ARNT2: variants seen among roughly 807,000 people sequenced by gnomAD.
ARNT2 encodes the protein ARNT protein 2.
In ARNT2, 36 loss-of-function variants were observed where a neutral mutation model predicts 91.7. The observed-to-expected ratio is 0.39, with a 90% CI of 0.30 to 0.52. ARNT2 has a LOEUF of 0.52. Among genes scored for constraint, ARNT2 ranks in the 20% least tolerant of loss-of-function variants. The probability of loss-of-function intolerance (pLI) is 0.72; values close to 1 mark genes in which losing one functional copy is unlikely to be tolerated. For synonymous variants in ARNT2, 365 were observed against 347.1 expected, an observed-to-expected ratio of 1.05 and a Z score of -0.57; for missense variants, 775 against 939.3, an observed-to-expected ratio of 0.83 and a Z score of 2.29.
chr15:80,542,614 A>T (rs1897927067), intron 8 of ARNT2, among the ~76,000 whole-genome samples: 1 of 152,180 alleles, frequency 6.6e-6, no homozygotes, highest in African/African-American at 2.4e-5. Context: ...AGGAATATAA[A>T]GAAAATTTAT....
At chr15:80,580,176 A>G (rs1898764642) in intron 15 of ARNT2, 2 of 538,884 alleles carry the variant, frequency 3.7e-6, no homozygotes, top group Admixed American at 3.1e-5. Flanking sequence ...GAGAGGAAGT[A>G]CCAGACTACT....
intron 6 of ARNT2, among the ~76,000 whole-genome samples, chr15:80,511,073 A>T (rs1435748613): frequency 1.3e-5 from 2 of 152,188 alleles, no homozygotes; most frequent in Admixed American, 1.3e-4. Context: ...AGACATATGC[A>T]TGCATATGTT....
intron 8 of ARNT2, among the ~76,000 whole-genome samples, chr15:80,549,310 G>T (rs1596008250): frequency 1.3e-5 from 2 of 152,254 alleles, no homozygotes; most frequent in Admixed American, 1.3e-4. Flanking sequence ...CTTAAGCTTT[G>T]TGTAAGAAAT....
chr15:80,571,160 G>A (rs1244547858), intron 12 of ARNT2, among the ~76,000 whole-genome samples: 2 of 152,158 alleles, frequency 1.3e-5, no homozygotes, highest in Non-Finnish European at 2.9e-5. Context: ...TAGGGGTCAG[G>A]CTTTTTATAA....
intron 3 of ARNT2, among the ~76,000 whole-genome samples, chr15:80,463,357 C>T (rs1183330968): frequency 6.7e-6 from 1 of 149,284 alleles, no homozygotes; most frequent in Non-Finnish European, 1.5e-5. Flanking sequence ...TCCAAACTTC[C>T]CATGCCTCCT....
At chr15:80,471,818 A>G (rs1896735108) in intron 4 of ARNT2, among the ~76,000 whole-genome samples, 1 of 152,192 alleles carries the variant, frequency 6.6e-6, no homozygotes, top group Non-Finnish European at 1.5e-5. Flanking sequence ...GTAGGACCCC[A>G]AAGCCATATT....
At chr15:80,542,798 A>T (rs919303857) in intron 8 of ARNT2, among the ~76,000 whole-genome samples, 8 of 152,166 alleles carry the variant, frequency 5.3e-5, no homozygotes, top group Non-Finnish European at 1.2e-4. Context: ...CATTTTCTTT[A>T]TGCCAGCTGG....
intron 11 of ARNT2, 128 bp from the exon 12 acceptor site, chr15:80,562,960 T>C (rs1898394783): frequency 2.0e-6 from 2 of 1,009,122 alleles, no homozygotes; most frequent in South Asian, 2.9e-5. Flanking sequence ...TACTGTCTTT[T>C]AGCCACAATG....
chr15:80,434,185 C>G (rs746833795), intron 1 of ARNT2: 1 of 152,208 alleles, frequency 6.6e-6, no homozygotes, highest in Non-Finnish European at 1.5e-5. Flanking sequence ...TGTCTAGCCT[C>G]AGGGGAGAAT....
At chr15:80,593,448 G>A in intron 18 of ARNT2, 152 bp from the exon 19 acceptor site, 2 of 622,434 alleles carry the variant, frequency 3.2e-6, no homozygotes, top group Non-Finnish European at 5.6e-6. Flanking sequence ...GAGGACCCTT[G>A]CAGAGCATCC....
intron 11 of ARNT2, among the ~76,000 whole-genome samples, chr15:80,557,514 ACAC>A (rs2141461070): frequency 6.6e-6 from 1 of 152,222 alleles, no homozygotes; most frequent in African/African-American, 2.4e-5. Flanking sequence ...ACTGGCCTTA[ACAC>A]CTGGGTGATG....
chr15:80,446,220 T>C (rs1321143167), intron 1 of ARNT2, among the ~76,000 whole-genome samples: 1 of 152,056 alleles, frequency 6.6e-6, no homozygotes, highest in Non-Finnish European at 1.5e-5. Flanking sequence ...AATGTCTGCT[T>C]GGAAAAGACG....
At chr15:80,415,372 G>A (rs190143408) in intron 1 of ARNT2, among the ~76,000 whole-genome samples, 18 of 152,340 alleles carry the variant, frequency 1.2e-4, no homozygotes, top group South Asian at 2.1e-4. Context: ...AAACCCAGGC[G>A]TGGTTTCCGC....
At chr15:80,535,895 GT>G (rs1166168831) in intron 8 of ARNT2, among the ~76,000 whole-genome samples, 1 of 152,112 alleles carries the variant, frequency 6.6e-6, no homozygotes, top group Admixed American at 6.5e-5. Context: ...GGTGTTTGTT[GT>G]TTTGTTTGTT....
intron 8 of ARNT2, among the ~76,000 whole-genome samples, chr15:80,538,893 A>C (rs906416116): frequency 6.6e-6 from 1 of 152,140 alleles, no homozygotes; most frequent in Non-Finnish European, 1.5e-5. Flanking sequence ...AAATCAATTT[A>C]ACAAAGTTTA....
intron 12 of ARNT2, among the ~76,000 whole-genome samples, chr15:80,566,409 G>A (rs749763849): frequency 2.6e-5 from 4 of 152,122 alleles, no homozygotes; most frequent in Non-Finnish European, 4.4e-5. Context: ...TCCTTCCAGG[G>A]CCAAACTCTG....
intron 2 of ARNT2, among the ~76,000 whole-genome samples, chr15:80,453,599 C>G (rs1272731522): frequency 6.6e-6 from 1 of 152,230 alleles, no homozygotes; most frequent in Non-Finnish European, 1.5e-5. Context: ...AAACACTTAA[C>G]TAAGTACAAA....
chr15:80,591,433 GCAAA>G lies in ARNT2; in HGVS notation c.1919-132_1919-129del. 8.8e-7 allele frequency: 1 copy of G among 1,135,572 alleles called. No homozygotes were observed. Among genetic ancestry groups the G allele is most frequent in the Non-Finnish European group, 1.3e-6 (1 of 775,246 alleles). The allele number at this position is 1,135,572 out of a possible 1,614,324, so 70.3% of individuals were successfully genotyped here. A position where few individuals can be genotyped will look rare whatever the true frequency, so the allele number is the denominator to read the frequency against. Reference sequence around the variant, plus strand: ...TCAGCCAGTGAGAAAGACGAGGATAGCAAACACATTCCGCCAGCTCTGGATGGAA... The same window carrying G: ...TCAGCCAGTGAGAAAGACGAGGATAGCACATTCCGCCAGCTCTGGATGGAA... On this transcript the variant is annotated intron_variant, in intron 17 of 18. Transcript: ENST00000303329. The surrounding 1 kb of genome is among the most constrained non-coding windows in gnomAD (Gnocchi z 5.1).
intron 2 of ARNT2, among the ~76,000 whole-genome samples, chr15:80,453,666 G>A (rs1382856613): frequency 6.6e-6 from 1 of 152,146 alleles, no homozygotes; most frequent in Non-Finnish European, 1.5e-5. Context: ...CCCATGGCAG[G>A]CCCCTGCTCC....
Sources: gnomAD v4.1 joint callset for allele counts (sites outside exome capture counted in the v4.1 genomes callset) on GRCh38, gnomAD v4.1.1 for gene constraint, Gnocchi (gnomAD v3.1) non-coding constraint, MANE v1.5 for transcripts, NCBI Gene and HGNC (gene_info 2026-07-23, HGNC 2026-07-21) for gene names.